Variants in PRKAR1B observed in about 807,000 individuals in gnomAD.
PRKAR1B encodes the protein cAMP-dependent protein kinase type I-beta regulatory subunit.
Under a neutral mutation model 46.5 loss-of-function variants are expected in PRKAR1B, and 22 were observed. The observed-to-expected ratio is 0.47, with a 90% CI of 0.34 to 0.68. The LOEUF (loss-of-function observed/expected upper bound fraction) is 0.68, where lower values mean the gene tolerates loss of function less well. PRKAR1B is among the 30% of genes least tolerant of loss of function. The pLI is 0.01. For synonymous variants in PRKAR1B, 259 were observed against 217.7 expected (o/e 1.19, Z -1.67); for missense variants, 445 against 535.6 (o/e 0.83, Z 1.67).
At chr7:596,946 C>T (rs1013591215) in intron 6 of PRKAR1B, among the ~76,000 whole-genome samples, 1 of 152,268 alleles carries the variant, frequency 6.6e-6, no homozygotes. Context: ...GCGCTGCGGC[C>T]GAGCTGCGCC....
At chr7:591,481 C>A (rs1304694418) in intron 7 of PRKAR1B, among the ~76,000 whole-genome samples, 1 of 152,202 alleles carries the variant, frequency 6.6e-6, no homozygotes, top group Non-Finnish European at 1.5e-5. Context: ...TCGGGGGGCA[C>A]GGGGCCTGGG....
At chr7:609,580 AAAGCGTGCATTTCC>A (rs1782358883) in intron 4 of PRKAR1B, among the ~76,000 whole-genome samples, 2 of 152,236 alleles carry the variant, frequency 1.3e-5, no homozygotes, top group Non-Finnish European at 2.9e-5. Flanking sequence ...GCACCCGTGA[AAAGCGTGCATTTCC>A]AGTGGTGTCT....
At chr7:680,285 C>T (rs1186392360) in intron 3 of PRKAR1B, among the ~76,000 whole-genome samples, 1 of 152,166 alleles carries the variant, frequency 6.6e-6, no homozygotes, top group Non-Finnish European at 1.5e-5. Flanking sequence ...CCTTCCTGAG[C>T]CTGTGAGGAA....
chr7:683,263 G>T (rs1247847422), intron 2 of PRKAR1B, among the ~76,000 whole-genome samples: 2 of 152,228 alleles, frequency 1.3e-5, no homozygotes, highest in East Asian at 3.8e-4. Context: ...CAAGGCCGGG[G>T]TGCCACCAGC....
intron 2 of PRKAR1B, among the ~76,000 whole-genome samples, chr7:685,646 G>A (rs1779055941): frequency 6.6e-6 from 1 of 151,352 alleles, no homozygotes; most frequent in Non-Finnish European, 1.5e-5. Context: ...CACCTACAAA[G>A]GACTGACAAT....
At chr7:615,863 G>A (rs1583306985) in intron 4 of PRKAR1B, among the ~76,000 whole-genome samples, 3 of 128,034 alleles carry the variant, frequency 2.3e-5, no homozygotes, top group Non-Finnish European at 3.4e-5. Flanking sequence ...AAGGAAGGAA[G>A]AAAGGGAGGG....
At chr7:726,969 C>A in intron 1 of PRKAR1B, 2 of 1,312,594 alleles carry the variant, frequency 1.5e-6, no homozygotes, top group Admixed American at 3.4e-5. Flanking sequence ...GCTTGCTGCG[C>A]TGCCTGAGCG....
Position 685,385 on chromosome 7 carries a change from C to CACATAT in PRKAR1B, c.178-4660_178-4659insATATGT, listed in dbSNP as rs1554303273. Among the ~76,000 whole-genome samples, 6 of 79,520 alleles carry CACATAT rather than the reference C, an allele frequency of 7.5e-5. 1 individual carries two copies. The highest frequency in any genetic ancestry group is 3.4e-4 in the African/African-American group (6 of 17,672). 52.2% of individuals were successfully genotyped at this position (79,520 alleles called of 152,430 possible). On this transcript the variant is annotated intron_variant, in intron 2 of 10. Transcript: ENST00000537384. ...ATATACACATATATATATATACATACATATATATATATATATGTATATATA... is the reference window on the plus strand; with the variant it reads ...ATATACACATATATATATATACATACACATATATATATATATATATATGTATATATA...
At chr7:671,136 G>A (rs942705253) in intron 4 of PRKAR1B, among the ~76,000 whole-genome samples, 3 of 152,178 alleles carry the variant, frequency 2.0e-5, no homozygotes, top group Admixed American at 6.5e-5. Context: ...TTTCTAAAGG[G>A]CCCTGAACAC....
At chr7:697,955 G>A (rs1177223201) in intron 2 of PRKAR1B, among the ~76,000 whole-genome samples, 2 of 98,680 alleles carry the variant, frequency 2.0e-5, no homozygotes, top group African/African-American at 8.0e-5. Flanking sequence ...CGGGAGGGAA[G>A]GGAAGGGAAG....
intron 6 of PRKAR1B, among the ~76,000 whole-genome samples, chr7:596,963 G>T (rs1463682579): frequency 6.6e-6 from 1 of 152,276 alleles, no homozygotes; most frequent in Non-Finnish European, 1.5e-5. Flanking sequence ...CGCCTGGGAA[G>T]GAGCCCAGAC....
At chr7:670,584 T>C in intron 4 of PRKAR1B, among the ~76,000 whole-genome samples, 1 of 141,444 alleles carries the variant, frequency 7.1e-6, no homozygotes, top group Non-Finnish European at 1.5e-5. Context: ...GCCTCCGAGC[T>C]CCCCCATGCC....
chr7:579,674 A>G (rs1400831213), intron 8 of PRKAR1B, among the ~76,000 whole-genome samples: 1 of 152,264 alleles, frequency 6.6e-6, no homozygotes, highest in Non-Finnish European at 1.5e-5. Flanking sequence ...GTAAATACCC[A>G]GCAGTGAAAA....
intron 4 of PRKAR1B, among the ~76,000 whole-genome samples, chr7:655,103 T>G (rs1231401231): frequency 1.3e-5 from 2 of 152,208 alleles, no homozygotes; most frequent in Non-Finnish European, 2.9e-5. Context: ...GTTTTCCACT[T>G]CTGCCCTTGT....
intron 9 of PRKAR1B, among the ~76,000 whole-genome samples, chr7:562,804 C>T (rs2128426973): frequency 6.6e-6 from 1 of 152,298 alleles, no homozygotes; most frequent in East Asian, 1.9e-4. Context: ...GGGGTCCATG[C>T]CCCCCAACCA....
At chr7:633,663 C>G (rs916964531) in intron 4 of PRKAR1B, among the ~76,000 whole-genome samples, 20 of 152,094 alleles carry the variant, frequency 1.3e-4, no homozygotes, top group African/African-American at 4.6e-4. Context: ...TTATTGAGCT[C>G]AGACTCTGTG....
chr7:605,437 G>A (rs369642857), intron 6 of PRKAR1B, among the ~76,000 whole-genome samples: 3 of 152,352 alleles, frequency 2.0e-5, no homozygotes, highest in Admixed American at 6.5e-5. Flanking sequence ...TAAACCGGAC[G>A]GCAGAAGAGA....
rs148390735 is a variant in PRKAR1B at position 576,769 on chromosome 7, G to A, written c.891+2487C>T. On this transcript the variant is annotated intron_variant, in intron 9 of 10. Transcript: ENST00000537384. ...CCAGATCTTTCCTTATGGTAGAGCCGCAGTGGGAAGCACCGGGAATGAGGG... is the reference window on the plus strand; with the variant it reads ...CCAGATCTTTCCTTATGGTAGAGCCACAGTGGGAAGCACCGGGAATGAGGG... Among the ~76,000 whole-genome samples the A allele has an allele frequency of 7.5e-3, 1,138 of 152,016 alleles. 8 individuals are homozygous for A. The highest frequency in any genetic ancestry group is 0.024 in the Middle Eastern group (7 of 294).
intron 9 of PRKAR1B, among the ~76,000 whole-genome samples, chr7:571,307 T>C (rs1487311809): frequency 6.6e-6 from 1 of 152,076 alleles, no homozygotes; most frequent in East Asian, 1.9e-4. Flanking sequence ...CCCCACCCGA[T>C]GACGGGGTGT....
Sources: allele counts gnomAD v4.1 joint callset (sites outside exome capture counted in the v4.1 genomes callset), GRCh38; gene constraint gnomAD v4.1.1; transcripts MANE v1.5; gene names NCBI Gene and HGNC (gene_info 2026-07-23, HGNC 2026-07-21).